ROBO2: variants seen among roughly 807,000 people sequenced by gnomAD.
ROBO2 encodes roundabout guidance receptor 2, also known as roundabout homolog 2.
Under a neutral mutation model 160.8 loss-of-function variants are expected in ROBO2, and 53 were observed. That is an observed-to-expected ratio of 0.33 (90% CI 0.26 to 0.41). The LOEUF (loss-of-function observed/expected upper bound fraction) is 0.41, where lower values mean the gene tolerates loss of function less well. Among genes scored for constraint, ROBO2 ranks in the 10% least tolerant of loss-of-function variants. The pLI, the probability that ROBO2 is intolerant of heterozygous loss-of-function variation, is 1.00. For synonymous variants in ROBO2, 664 were observed against 611.7 expected (o/e 1.09, Z -1.26); for missense variants, 1,577 against 1,722.4 (o/e 0.92, Z 1.49).
chr3:76,743,698 C>T (rs1472300779), intron 2 of ROBO2, among the ~76,000 whole-genome samples: 1 of 152,028 alleles, frequency 6.6e-6, no homozygotes, highest in African/African-American at 2.4e-5. Flanking sequence ...CTAAGACTTT[C>T]ATTCCTTTTC....
chr3:76,958,618 C>G (rs2079445025), intron 2 of ROBO2, among the ~76,000 whole-genome samples: 1 of 152,188 alleles, frequency 6.6e-6, no homozygotes, highest in Admixed American at 6.5e-5. Flanking sequence ...CATTTTGTCA[C>G]AACCTTACCA....
chr3:76,280,685 G>T (rs2107667405), intron 2 of ROBO2, among the ~76,000 whole-genome samples: 1 of 151,994 alleles, frequency 6.6e-6, no homozygotes, highest in Non-Finnish European at 1.5e-5. Context: ...TTGCTTTTTA[G>T]AAATTTTTCT....
chr3:77,541,832 T>C (rs2092475715), intron 6 of ROBO2, among the ~76,000 whole-genome samples: 1 of 152,238 alleles, frequency 6.6e-6, no homozygotes, highest in Non-Finnish European at 1.5e-5. Flanking sequence ...CAGAGACATA[T>C]AGGAGAATTG....
At chr3:76,504,519 CTTTTTTTTT>C (rs57591523) in intron 2 of ROBO2, among the ~76,000 whole-genome samples, 8 of 73,548 alleles carry the variant, frequency 1.1e-4, no homozygotes, top group South Asian at 5.8e-4. Flanking sequence ...AGAAAATACT[CTTTTTTTTT>C]TTTTTTTTTT....
chr3:76,022,642 A>C (rs1036644664), intron 2 of ROBO2, among the ~76,000 whole-genome samples: 2 of 151,762 alleles, frequency 1.3e-5, no homozygotes, highest in Non-Finnish European at 3.0e-5. Flanking sequence ...AGTAGGTCTC[A>C]AGAGCGGGAT....
chr3:75,928,752 A>T (rs1947391801), intron 1 of ROBO2, among the ~76,000 whole-genome samples: 1 of 152,092 alleles, frequency 6.6e-6, no homozygotes, highest in Admixed American at 6.5e-5. Context: ...CAAACATGAG[A>T]TCTGCAGCTG....
At chr3:77,387,338 C>CA (rs59885508) in intron 2 of ROBO2, among the ~76,000 whole-genome samples, 4,395 of 121,892 alleles carry the variant, frequency 0.036, 246 homozygotes, top group African/African-American at 0.12. Flanking sequence ...CCCCGTCTCT[C>CA]AAAAAAAAAA....
At chr3:76,791,059 A>T (rs1272858111) in intron 2 of ROBO2, among the ~76,000 whole-genome samples, 4 of 151,868 alleles carry the variant, frequency 2.6e-5, no homozygotes, top group African/African-American at 9.7e-5. Flanking sequence ...ATAGTCTTCA[A>T]TAATCATTAA....
intron 2 of ROBO2, among the ~76,000 whole-genome samples, chr3:76,717,775 G>A (rs533949657): frequency 7.3e-5 from 11 of 150,168 alleles, no homozygotes; most frequent in Admixed American, 5.3e-4. Flanking sequence ...AAAACCTCCT[G>A]ATGTAAAGAG....
intron 2 of ROBO2, among the ~76,000 whole-genome samples, chr3:77,407,103 A>C (rs1162226165): frequency 6.6e-6 from 1 of 152,132 alleles, no homozygotes; most frequent in Non-Finnish European, 1.5e-5. Context: ...TGGAATTACA[A>C]GAGTGAACCA....
chr3:76,002,222 AC>A (rs778284678), intron 2 of ROBO2, among the ~76,000 whole-genome samples: 2 of 152,158 alleles, frequency 1.3e-5, no homozygotes, highest in African/African-American at 4.8e-5. Context: ...CTCTGTCCTT[AC>A]AAAAAGGAGA....
At chr3:76,772,180 A>C (rs934037716) in intron 2 of ROBO2, among the ~76,000 whole-genome samples, 4 of 151,234 alleles carry the variant, frequency 2.6e-5, no homozygotes, top group Non-Finnish European at 5.9e-5. Context: ...GTTTTAGATT[A>C]TATTTTTAGT....
intron 2 of ROBO2, among the ~76,000 whole-genome samples, chr3:76,754,019 A>G (rs1442639714): frequency 6.6e-6 from 1 of 151,930 alleles, no homozygotes; most frequent in African/African-American, 2.4e-5. Flanking sequence ...ACCTGCTACT[A>G]ATCTTTGTAA....
At chr3:77,231,771 T>G (rs2087251392) in intron 2 of ROBO2, among the ~76,000 whole-genome samples, 1 of 152,174 alleles carries the variant, frequency 6.6e-6, no homozygotes, top group Non-Finnish European at 1.5e-5. Flanking sequence ...TCTATTTGTT[T>G]TCTCTCCACG....
At chr3:76,504,925 T>C (rs188513539) in intron 2 of ROBO2, among the ~76,000 whole-genome samples, 1 of 152,294 alleles carries the variant, frequency 6.6e-6, no homozygotes, top group East Asian at 1.9e-4. Context: ...AGAGTTCATA[T>C]TGTTTCAAAT....
intron 2 of ROBO2, among the ~76,000 whole-genome samples, chr3:76,826,302 G>A (rs529805380): frequency 7.9e-5 from 12 of 152,070 alleles, no homozygotes; most frequent in Non-Finnish European, 1.5e-5. Flanking sequence ...ATCCATCATC[G>A]TTTTGCTGCT....
At chr3:76,511,412 T>C (rs1171046280) in intron 2 of ROBO2, among the ~76,000 whole-genome samples, 2 of 152,216 alleles carry the variant, frequency 1.3e-5, no homozygotes, top group Non-Finnish European at 2.9e-5. Flanking sequence ...TGCAAAATAT[T>C]GTCATTCCTT....
intron 2 of ROBO2, among the ~76,000 whole-genome samples, chr3:77,158,555 G>C (rs34148368): frequency 0.31 from 47,399 of 151,860 alleles, 8,556 homozygotes; most frequent in Middle Eastern, 0.46. Flanking sequence ...ATAAAGAATA[G>C]GGCCAGGGGA....
chr3:77,557,919 A>AC (rs5850333), intron 8 of ROBO2, 25 bp from the exon 10 acceptor site: 1,159,519 of 1,592,746 alleles, frequency 0.73, 424,527 homozygotes, highest in Admixed American at 0.84. Context: ...ATGTTAAAAT[A>AC]CCTGAAAAGA....
Sources: gnomAD v4.1 joint callset for allele counts (sites outside exome capture counted in the v4.1 genomes callset) on GRCh38, gnomAD v4.1.1 for gene constraint, MANE v1.5 for transcripts, NCBI Gene and HGNC (gene_info 2026-07-23, HGNC 2026-07-21) for gene names.